Variants in PLCE1 observed in about 807,000 individuals in gnomAD.
PLCE1 encodes the protein 1-phosphatidylinositol 4,5-bisphosphate phosphodiesterase epsilon-1.
Under a neutral mutation model 242.8 loss-of-function variants are expected in PLCE1, and 119 were observed. That is an observed-to-expected ratio of 0.49 (90% CI 0.42 to 0.57). The LOEUF is 0.57. Among genes scored for constraint, PLCE1 ranks in the 20% least tolerant of loss-of-function variants. The pLI is 0.00. For missense variants in PLCE1, 2,441 were observed against 2,788.8 expected, an observed-to-expected ratio of 0.88 and a Z score of 2.81; for synonymous variants, 945 against 1,017.4, an observed-to-expected ratio of 0.93 and a Z score of 1.35.
chr10:94,216,418 G>A lies in PLCE1; in HGVS notation c.1810-10888G>A, dbSNP rs184355176. Among the ~76,000 whole-genome samples the A allele has an allele frequency of 1.8e-3, 278 of 152,258 alleles. 1 individual carries two copies. The highest frequency in any genetic ancestry group is 3.5e-3 in the Admixed American group (53 of 15,300). ...TGTGCTCTAGTGCCCACTGGAGTGC[G>A]AGCTCTAGAGGGTAGACACTCAGGA... On this transcript the variant is annotated intron_variant, in intron 4 of 32. Transcript: ENST00000371380.
intron 19 of PLCE1, among the ~76,000 whole-genome samples, chr10:94,273,946 C>T (rs1340218093): frequency 2.0e-5 from 3 of 152,202 alleles, no homozygotes; most frequent in Admixed American, 1.3e-4. Flanking sequence ...ATAGAATATA[C>T]CTCCGTTATT....
At position 94,032,233 on chromosome 10, in the gene PLCE1, C is replaced by T. The variant is rs374964859; in HGVS notation, c.1187C>T (p.Ser396Leu). Residue 396 changes from serine (S) to leucine (L), a missense_variant, in exon 2 of 33, where the codon TCA (serine) becomes TTA (leucine). Around this residue, in one of 5 missense-constraint regions of PLCE1, gnomAD observed 733 missense variants for 754.2 expected, o/e 0.97. Coordinates refer to ENST00000371380, the MANE Select transcript of PLCE1 (RefSeq NM_016341.4). Reference protein sequence around the residue: ...EIRQDGSQRLSEAQWYPIYNA... With the variant: ...EIRQDGSQRLLEAQWYPIYNA... ...AGGCAAGATGGGAGCCAACGTCTGT[C>T]AGAAGCCCAGTGGTATCCTGTAAGC... is the stretch of plus-strand genomic sequence containing the variant. The T allele has an allele frequency of 3.1e-6, 5 of 1,613,150 alleles. No individual in the cohort carries two copies. Among genetic ancestry groups the T allele is most frequent in the Non-Finnish European group, 4.2e-6 (5 of 1,179,610 alleles).
intron 4 of PLCE1, among the ~76,000 whole-genome samples, chr10:94,182,837 CT>C (rs1302149092): frequency 3.3e-5 from 5 of 152,182 alleles, no homozygotes; most frequent in Non-Finnish European, 4.4e-5. Context: ...ATGTTTAATT[CT>C]GTTTTAAAGC....
At chr10:94,269,101 T>C in intron 17 of PLCE1, 65 bp downstream of exon 17, 1 of 816,430 alleles carries the variant, frequency 1.2e-6, no homozygotes, top group Non-Finnish European at 2.0e-6. Context: ...TGTCTTTTTT[T>C]TTTTTTTTTT....
At chr10:94,132,743 G>A (rs1034628921) in intron 3 of PLCE1, among the ~76,000 whole-genome samples, 1 of 151,474 alleles carries the variant, frequency 6.6e-6, no homozygotes, top group Non-Finnish European at 1.5e-5. Flanking sequence ...AAGGTCAGGA[G>A]ATCGAGACCA....
Position 94,031,721 on chromosome 10 carries a change from G to A in PLCE1, c.675G>A (p.Lys225=), listed in dbSNP as rs1448462083. The A allele has an allele frequency of 6.2e-7, 1 of 1,613,792 alleles. No individual in the cohort carries two copies. Among genetic ancestry groups the A allele is most frequent in the African/African-American group, 1.3e-5 (1 of 75,026 alleles). ...NCVPLPGGEE[K]QKKNYVAYTC... ...TACCACTACCTGGGGGTGAGGAGAA[G>A]CAAAAGAAAAACTATGTGGCATATA... is the stretch of plus-strand genomic sequence containing the variant. Residue 225 remains lysine, a synonymous_variant, in exon 2 of 33, where the codon AAG becomes AAA. Coordinates refer to ENST00000371380, the MANE Select transcript of PLCE1 (RefSeq NM_016341.4).
At chr10:94,218,473 T>C (rs2049604049) in intron 4 of PLCE1, among the ~76,000 whole-genome samples, 1 of 152,172 alleles carries the variant, frequency 6.6e-6, no homozygotes, top group African/African-American at 2.4e-5. Flanking sequence ...GGAAACTCTG[T>C]TATCTCCTTA....
At chr10:94,115,834 T>G (rs1252039112) in intron 2 of PLCE1, among the ~76,000 whole-genome samples, 1 of 152,218 alleles carries the variant, frequency 6.6e-6, no homozygotes, top group Non-Finnish European at 1.5e-5. Flanking sequence ...TCTTGACTCC[T>G]GGAGCACCAG....
At chr10:94,282,218 T>G (rs537100579) in intron 20 of PLCE1, among the ~76,000 whole-genome samples, 1 of 151,106 alleles carries the variant, frequency 6.6e-6, no homozygotes, top group South Asian at 2.1e-4. Flanking sequence ...AATAAAGGAA[T>G]TAATCTAACA....
rs1350645474 is a variant in PLCE1, at chr10:94,171,467, C to A, written c.1780C>A (p.Leu594Ile). Reference protein sequence around the residue: ...LTTQNGEHNALEDLVMRFNEV... With the variant: ...LTTQNGEHNAIEDLVMRFNEV... ...CACTCAGAATGGAGAGCACAATGCC[C>A]TTGAAGATCTGGTGATGAGGTTTAA... is the stretch of plus-strand genomic sequence containing the variant. The change falls in exon 4 of 33, where the codon CTT becomes ATT. Residue 594 changes from leucine (L) to isoleucine (I), a missense_variant. Leu to Ile is a conservative substitution (Grantham distance 5). Transcript: ENST00000371380. The A allele has an allele frequency of 6.2e-7, 1 of 1,614,098 alleles. No homozygotes were observed.
chr10:94,042,204 C>G (rs146807340), intron 2 of PLCE1, among the ~76,000 whole-genome samples: 91 of 152,224 alleles, frequency 6.0e-4, no homozygotes, highest in African/African-American at 2.1e-3. Flanking sequence ...TGGAATGAAT[C>G]TTGTGACTCA....
intron 2 of PLCE1, among the ~76,000 whole-genome samples, chr10:94,057,595 A>G (rs2043942213): frequency 6.6e-6 from 1 of 152,250 alleles, no homozygotes; most frequent in Non-Finnish European, 1.5e-5. Flanking sequence ...TCTCAGAAGA[A>G]TTACCAACCT....
intron 8 of PLCE1, among the ~76,000 whole-genome samples, chr10:94,251,149 C>T (rs892756740): frequency 1.3e-5 from 2 of 151,988 alleles, no homozygotes; most frequent in East Asian, 1.9e-4. Context: ...AAAGTAAAAT[C>T]GGGGTATGGT....
chr10:93,994,360 A>C (rs2060778505), intron 1 of PLCE1, among the ~76,000 whole-genome samples, 102 bp downstream of exon 1: 1 of 151,878 alleles, frequency 6.6e-6, no homozygotes, highest in African/African-American at 2.4e-5. Context: ...GAGCAGCCCG[A>C]CTCCGCGTAC....
chr10:94,224,106 G>A (rs997793165), intron 4 of PLCE1, among the ~76,000 whole-genome samples: 5 of 51,432 alleles, frequency 9.7e-5, no homozygotes, highest in African/African-American at 3.9e-4. Context: ...GTGTGTGCGT[G>A]TGTGTGTGTG....
chr10:94,112,343 C>T (rs2045981889), intron 2 of PLCE1, among the ~76,000 whole-genome samples: 1 of 152,108 alleles, frequency 6.6e-6, no homozygotes, highest in African/African-American at 2.4e-5. Context: ...AGGTCAAAAA[C>T]AGTCAAATAT....
chr10:94,226,193 G>C (rs113982340), intron 4 of PLCE1, among the ~76,000 whole-genome samples: 84 of 152,352 alleles, frequency 5.5e-4, no homozygotes, highest in African/African-American at 2.0e-3. Context: ...TGTAGACATG[G>C]ATTATTTTTA....
intron 1 of PLCE1, among the ~76,000 whole-genome samples, chr10:93,997,442 C>T (rs1401031733): frequency 6.6e-6 from 1 of 152,120 alleles, no homozygotes; most frequent in Non-Finnish European, 1.5e-5. Context: ...TGTGGACTTC[C>T]ATGATTATGC....
intron 4 of PLCE1, among the ~76,000 whole-genome samples, chr10:94,225,873 T>A (rs544657943): frequency 2.0e-5 from 3 of 152,376 alleles, no homozygotes; most frequent in African/African-American, 7.2e-5. Flanking sequence ...GACCTTGAGC[T>A]CTTATTTCCT....
Sources: allele counts gnomAD v4.1 joint callset (sites outside exome capture counted in the v4.1 genomes callset), GRCh38; gene constraint gnomAD v4.1.1; regional missense constraint gnomAD v4.1.1; transcripts MANE v1.5; gene names NCBI Gene and HGNC (gene_info 2026-07-23, HGNC 2026-07-21).